TANGO6: variants seen among roughly 807,000 people sequenced by gnomAD.
TANGO6 encodes transport and golgi organization 6 homolog.
TANGO6 carries 90 observed loss-of-function variants against 114.2 expected under a neutral mutation model. That is an observed-to-expected ratio of 0.79 (90% CI 0.66 to 0.94). The LOEUF is 0.94. TANGO6 is among the 40% of genes least tolerant of loss of function. TANGO6 has a pLI of 0.00. For missense variants in TANGO6, 1,274 were observed against 1,315.3 expected, an observed-to-expected ratio of 0.97 and a Z score of 0.49; for synonymous variants, 477 against 509.8, an observed-to-expected ratio of 0.94 and a Z score of 0.87.
chr16:68,981,106 T>A (rs1161886731), intron 15 of TANGO6, among the ~76,000 whole-genome samples: 4 of 152,082 alleles, frequency 2.6e-5, no homozygotes, highest in Middle Eastern at 3.2e-3. Context: ...AAATTACCAA[T>A]CATTCCAAAT....
chr16:68,924,817 C>T (rs1307426073), intron 12 of TANGO6, among the ~76,000 whole-genome samples: 2 of 151,682 alleles, frequency 1.3e-5, no homozygotes, highest in African/African-American at 4.8e-5. Flanking sequence ...AAACAAACTC[C>T]TCACATAGCT....
chr16:69,058,832 ATTT>A (rs112763486), intron 17 of TANGO6, among the ~76,000 whole-genome samples: 1 of 150,222 alleles, frequency 6.7e-6, no homozygotes, highest in Non-Finnish European at 1.5e-5. Flanking sequence ...CACCTGGCTA[ATTT>A]TTTTGTATTT....
intron 7 of TANGO6, among the ~76,000 whole-genome samples, chr16:68,882,943 G>A (rs1260800658): frequency 3.9e-5 from 6 of 152,092 alleles, no homozygotes; most frequent in East Asian, 3.9e-4. Context: ...ACTTGAACCC[G>A]GGAGGCGGAG....
rs766706508 is a variant in TANGO6 at position 68,994,576 on chromosome 16, AT to A, written c.2842+20423del. On this transcript the variant is annotated intron_variant, in intron 15 of 17. Transcript: ENST00000261778. The stretch of plus-strand genomic sequence containing the variant: ...CTCCTATTGTGTGGCCATTCCTGGG[AT>A]TTTTTTTTTTTTTTAAAGACTGGTT... 3.9e-3 allele frequency among the ~76,000 whole-genome samples: 546 copies of A among 140,926 alleles called. 1 individual carries two copies. Among genetic ancestry groups the A allele is most frequent in the Middle Eastern group, 0.011 (3 of 276 alleles). The allele number at this position is 140,926 out of a possible 152,430, so 92.5% of individuals were successfully genotyped here.
chr16:69,060,701 C>T (rs571872646), intron 17 of TANGO6, among the ~76,000 whole-genome samples: 3 of 152,082 alleles, frequency 2.0e-5, no homozygotes, highest in South Asian at 4.2e-4. Context: ...GATCTTTAAC[C>T]GGGAATTCTA....
At chr16:68,912,619 A>G (rs971514799) in intron 11 of TANGO6, among the ~76,000 whole-genome samples, 10 of 151,482 alleles carry the variant, frequency 6.6e-5, no homozygotes, top group Admixed American at 5.3e-4. Context: ...AGGCTGGGTA[A>G]CAAGAGCAAA....
intron 14 of TANGO6, among the ~76,000 whole-genome samples, chr16:68,949,769 C>A (rs1963453629): frequency 6.6e-6 from 1 of 152,064 alleles, no homozygotes; most frequent in African/African-American, 2.4e-5. Context: ...TGTGACCTAT[C>A]AGTTCCACTC....
chr16:68,871,974 GA>G (rs1962277974), intron 4 of TANGO6, among the ~76,000 whole-genome samples: 1 of 152,092 alleles, frequency 6.6e-6, no homozygotes. Context: ...GCTCAAGCCT[GA>G]AATTCCAGCA....
chr16:68,950,412 C>T (rs573095887), intron 14 of TANGO6, among the ~76,000 whole-genome samples: 7 of 152,160 alleles, frequency 4.6e-5, no homozygotes, highest in Middle Eastern at 6.8e-3. Flanking sequence ...ACGAAAAATA[C>T]GAAATTAGCT....
At chr16:69,041,795 T>C (rs1959778435) in intron 17 of TANGO6, among the ~76,000 whole-genome samples, 1 of 152,210 alleles carries the variant, frequency 6.6e-6, no homozygotes, top group African/African-American at 2.4e-5. Context: ...TCAACTACAA[T>C]GTCCTAAACA....
intron 15 of TANGO6, among the ~76,000 whole-genome samples, chr16:69,006,680 G>C (rs1964094494): frequency 6.6e-6 from 1 of 152,220 alleles, no homozygotes; most frequent in South Asian, 2.1e-4. Context: ...GAACCTGGAA[G>C]GCGGTGGTTG....
intron 17 of TANGO6, among the ~76,000 whole-genome samples, chr16:69,067,307 G>A (rs558396637): frequency 6.6e-6 from 1 of 151,102 alleles, no homozygotes; most frequent in South Asian, 2.1e-4. Flanking sequence ...TCAGGCATTC[G>A]AGACCATCCT....
At chr16:69,060,000 C>A (rs879561934) in intron 17 of TANGO6, among the ~76,000 whole-genome samples, 7 of 152,126 alleles carry the variant, frequency 4.6e-5, no homozygotes, top group Non-Finnish European at 7.4e-5. Context: ...AAGCTCATGG[C>A]AGCCCCAGAA....
chr16:69,019,452 T>C (rs1959363963), intron 15 of TANGO6, among the ~76,000 whole-genome samples: 1 of 152,208 alleles, frequency 6.6e-6, no homozygotes, highest in East Asian at 1.9e-4. Context: ...AAGTACTCCT[T>C]TATCTTTTTC....
chr16:69,045,482 G>T (rs1430213735), intron 17 of TANGO6, among the ~76,000 whole-genome samples: 5 of 128,226 alleles, frequency 3.9e-5, no homozygotes, highest in Non-Finnish European at 8.1e-5. Flanking sequence ...AGTGACTTAT[G>T]CCTGTAATCC....
At chr16:69,075,738 G>A (rs889542128) in intron 17 of TANGO6, among the ~76,000 whole-genome samples, 18 of 150,086 alleles carry the variant, frequency 1.2e-4, no homozygotes, top group Admixed American at 7.3e-4. Context: ...ACAGGCATAA[G>A]CCATTGCACC....
rs1015184262 is a variant in TANGO6 at position 68,863,031 on chromosome 16, A to G, written c.822A>G (p.Glu274=). ...TCTATCAGCCCTTAGCAGTCCGGGA[A>G]CTGCTTATCCTCCAGGGAGGACCAC... ...DQVYQPLAVR[E]LLILQGGPPQ... Residue 274 remains glutamate, a synonymous_variant, in exon 3 of 18, where the codon GAA becomes GAG. Coordinates refer to ENST00000261778, the MANE Select transcript of TANGO6 (RefSeq NM_024562.2). 6.3e-7 allele frequency: 1 copy of G among 1,590,040 alleles called. No homozygotes were observed. The highest frequency in any genetic ancestry group is 1.3e-5 in the African/African-American group (1 of 74,410).
At chr16:68,935,241 T>C (rs1489788701) in intron 14 of TANGO6, among the ~76,000 whole-genome samples, 1 of 152,178 alleles carries the variant, frequency 6.6e-6, no homozygotes, top group Non-Finnish European at 1.5e-5. Context: ...TGGTTGTGGT[T>C]TGAGTAGCAT....
intron 15 of TANGO6, among the ~76,000 whole-genome samples, chr16:69,004,442 G>A (rs559351636): frequency 4.6e-5 from 7 of 151,418 alleles, no homozygotes; most frequent in African/African-American, 9.7e-5. Flanking sequence ...TGCAACCTCC[G>A]CCTCCTGGGT....
Sources: allele counts gnomAD v4.1 joint callset (sites outside exome capture counted in the v4.1 genomes callset), GRCh38; gene constraint gnomAD v4.1.1; transcripts MANE v1.5; gene names NCBI Gene and HGNC (gene_info 2026-07-23, HGNC 2026-07-21).